CAMK1D: variants seen among roughly 807,000 people sequenced by gnomAD.
CAMK1D encodes the protein calcium/calmodulin dependent protein kinase ID, also known as calcium/calmodulin-dependent protein kinase type 1D.
In CAMK1D, 9 loss-of-function variants were observed where a neutral mutation model predicts 47.7. The ratio of observed to expected loss-of-function variants is 0.19; its 90% CI spans 0.11 to 0.33. The LOEUF (loss-of-function observed/expected upper bound fraction) is 0.33, where lower values mean the gene tolerates loss of function less well. Ranked by LOEUF, CAMK1D falls within the 10% of genes least tolerant of loss-of-function variation. The probability of loss-of-function intolerance (pLI) is 1.00; values close to 1 mark genes in which losing one functional copy is unlikely to be tolerated. For synonymous variants in CAMK1D, 184 were observed against 184.9 expected (o/e 0.99, Z 0.04); for missense variants, 291 against 488.7 (o/e 0.60, Z 3.81).
At chr10:12,649,724 C>T (rs758395768) in intron 2 of CAMK1D, among the ~76,000 whole-genome samples, 7 of 152,098 alleles carry the variant, frequency 4.6e-5, no homozygotes, top group Non-Finnish European at 7.3e-5. Context: ...TTGCAGGATA[C>T]GTTTTGCCAT....
At chr10:12,704,385 G>A (rs1351013985) in intron 3 of CAMK1D, among the ~76,000 whole-genome samples, 1 of 152,128 alleles carries the variant, frequency 6.6e-6, no homozygotes, top group African/African-American at 2.4e-5. Flanking sequence ...GAGACATAGA[G>A]TGAAAATGGC....
intron 1 of CAMK1D, among the ~76,000 whole-genome samples, chr10:12,458,387 GTGT>G (rs1345801357): frequency 5.3e-5 from 8 of 152,120 alleles, no homozygotes; most frequent in African/African-American, 1.9e-4. Flanking sequence ...ATATTCCTAT[GTGT>G]TCATCATGCA....
In CAMK1D at chr10:12,724,991, T is replaced by TC. The variant is rs553538635; in HGVS notation, c.300-35957_300-35956insC. On this transcript the variant is annotated intron_variant, in intron 3 of 10. Coordinates refer to ENST00000619168, the MANE Select transcript of CAMK1D (RefSeq NM_153498.4). ...GGCACGTTTCTTTCAACCACATCTC[T>TC]TTCAACAATCTAAACTTCACAAATG... 1.9e-3 allele frequency among the ~76,000 whole-genome samples: 288 copies of TC among 152,340 alleles called. 1 individual carries two copies. The highest frequency in any genetic ancestry group is 0.014 in the Middle Eastern group (4 of 294).
chr10:12,369,955 C>CAA (rs577405105), intron 1 of CAMK1D, among the ~76,000 whole-genome samples: 1 of 115,490 alleles, frequency 8.7e-6, no homozygotes, highest in Non-Finnish European at 1.9e-5. Flanking sequence ...GACTCTGTCT[C>CAA]AAAAAAAAAA....
intron 3 of CAMK1D, among the ~76,000 whole-genome samples, chr10:12,758,745 G>A (rs1382108923): frequency 6.6e-6 from 1 of 152,222 alleles, no homozygotes; most frequent in Admixed American, 6.5e-5. Context: ...ACGCAGGTTG[G>A]CCAGGTTTGG....
chr10:12,631,583 TC>T (rs1839379599), intron 2 of CAMK1D, among the ~76,000 whole-genome samples: 1 of 152,320 alleles, frequency 6.6e-6, no homozygotes, highest in East Asian at 1.9e-4. Flanking sequence ...TAACTCTGTC[TC>T]CTTTGTTCAG....
At chr10:12,776,573 A>G (rs930160306) in intron 5 of CAMK1D, among the ~76,000 whole-genome samples, 4 of 152,186 alleles carry the variant, frequency 2.6e-5, no homozygotes, top group African/African-American at 4.8e-5. Flanking sequence ...TCATCAACCA[A>G]TCAGTACATG....
intron 1 of CAMK1D, chr10:12,456,436 G>C (rs1271266306): frequency 6.6e-6 from 1 of 152,206 alleles, no homozygotes; most frequent in African/African-American, 2.4e-5. Context: ...GGTGAACTCA[G>C]ACCACCAGTG....
At chr10:12,531,127 A>G (rs546944082) in intron 1 of CAMK1D, among the ~76,000 whole-genome samples, 149 of 152,052 alleles carry the variant, frequency 9.8e-4, no homozygotes, top group Non-Finnish European at 1.8e-3. Flanking sequence ...CAAGGACCCT[A>G]CATGTGAGGC....
At chr10:12,531,022 C>T (rs1194312522) in intron 1 of CAMK1D, among the ~76,000 whole-genome samples, 2 of 149,802 alleles carry the variant, frequency 1.3e-5, no homozygotes, top group African/African-American at 2.5e-5. Flanking sequence ...TGTGCCACTG[C>T]ACTCTAGCCT....
At chr10:12,659,497 GGT>G (rs1840212666) in intron 2 of CAMK1D, among the ~76,000 whole-genome samples, 1 of 152,066 alleles carries the variant, frequency 6.6e-6, no homozygotes, top group East Asian at 1.9e-4. Flanking sequence ...TAAAATGAAA[GGT>G]ATTACTTTTA....
At chr10:12,566,875 G>A (rs762389057) in intron 2 of CAMK1D, among the ~76,000 whole-genome samples, 22 of 152,164 alleles carry the variant, frequency 1.4e-4, no homozygotes, top group Non-Finnish European at 2.9e-4. Context: ...TCAATTAGAT[G>A]CGCTGTTCTT....
chr10:12,402,781 G>A (rs147994982), intron 1 of CAMK1D, among the ~76,000 whole-genome samples: 1 of 152,096 alleles, frequency 6.6e-6, no homozygotes, highest in East Asian at 1.9e-4. Flanking sequence ...GGATTTAGGA[G>A]CATCAGTTGG....
intron 3 of CAMK1D, among the ~76,000 whole-genome samples, chr10:12,757,998 C>T (rs961589031): frequency 6.6e-5 from 10 of 152,022 alleles, no homozygotes; most frequent in Non-Finnish European, 1.2e-4. Context: ...AGTACCGGCA[C>T]CCGCCATCAT....
At chr10:12,492,790 T>C (rs764715724) in intron 1 of CAMK1D, among the ~76,000 whole-genome samples, 3 of 152,224 alleles carry the variant, frequency 2.0e-5, no homozygotes, top group Non-Finnish European at 2.9e-5. Context: ...CACACCTGTA[T>C]GTGTGAGCCT....
chr10:12,400,635 A>G (rs191097045), intron 1 of CAMK1D, among the ~76,000 whole-genome samples: 2 of 152,220 alleles, frequency 1.3e-5, no homozygotes, highest in Admixed American at 6.5e-5. Context: ...GATGTTGAGA[A>G]CTTTATCTTC....
At chr10:12,658,237 T>C (rs1393130159) in intron 2 of CAMK1D, among the ~76,000 whole-genome samples, 1 of 152,072 alleles carries the variant, frequency 6.6e-6, no homozygotes, top group African/African-American at 2.4e-5. Flanking sequence ...GTGGAGGTGA[T>C]AGAGAAATGA....
intron 2 of CAMK1D, among the ~76,000 whole-genome samples, chr10:12,569,493 G>A (rs901962285): frequency 2.0e-5 from 3 of 151,164 alleles, no homozygotes; most frequent in Admixed American, 2.0e-4. Context: ...GGCAGATCAC[G>A]AGGTCAGGAG....
chr10:12,683,211 C>T (rs368246425), intron 3 of CAMK1D, among the ~76,000 whole-genome samples: 20 of 151,914 alleles, frequency 1.3e-4, no homozygotes, highest in East Asian at 9.6e-4. Context: ...CTCAGCCTCC[C>T]GAGTAGCTGG....
Sources: gnomAD v4.1 joint callset for allele counts (sites outside exome capture counted in the v4.1 genomes callset) on GRCh38, gnomAD v4.1.1 for gene constraint, MANE v1.5 for transcripts, NCBI Gene and HGNC (gene_info 2026-07-23, HGNC 2026-07-21) for gene names.